NOL4: variants seen among roughly 807,000 people sequenced by gnomAD.
NOL4 encodes cancer/testis antigen 125.
Under a neutral mutation model 75.9 loss-of-function variants are expected in NOL4, and 17 were observed. That is an observed-to-expected ratio of 0.22 (90% CI 0.15 to 0.34). The LOEUF is 0.34. NOL4 is among the 10% of genes least tolerant of loss of function. The pLI is 1.00. For missense variants in NOL4, 614 were observed against 793.5 expected, an observed-to-expected ratio of 0.77 and a Z score of 2.72; for synonymous variants, 292 against 289.9, an observed-to-expected ratio of 1.01 and a Z score of -0.07.
intron 9 of NOL4, among the ~76,000 whole-genome samples, chr18:33,934,955 C>T (rs887304294): frequency 4.7e-5 from 7 of 150,138 alleles, no homozygotes; most frequent in African/African-American, 1.7e-4. Flanking sequence ...ACCTCCTGGG[C>T]TAAAGCAATC....
At chr18:33,983,596 G>A (rs1268730462) in intron 6 of NOL4, among the ~76,000 whole-genome samples, 2 of 147,616 alleles carry the variant, frequency 1.4e-5, no homozygotes, top group African/African-American at 5.0e-5. Flanking sequence ...AATAGGAGGT[G>A]CATACACACA....
chr18:34,036,039 C>T (rs2075878504), intron 5 of NOL4, among the ~76,000 whole-genome samples: 1 of 151,858 alleles, frequency 6.6e-6, no homozygotes, highest in Non-Finnish European at 1.5e-5. Context: ...TGAATTCCAC[C>T]AAAGATATAA....
intron 5 of NOL4, among the ~76,000 whole-genome samples, chr18:34,040,296 T>G (rs1422136947): frequency 6.6e-6 from 1 of 151,888 alleles, no homozygotes; most frequent in Non-Finnish European, 1.5e-5. Context: ...TTGGTACTTT[T>G]TGGAATTTTT....
intron 1 of NOL4, among the ~76,000 whole-genome samples, chr18:34,182,180 G>A (rs1216873462): frequency 6.6e-6 from 1 of 151,448 alleles, no homozygotes; most frequent in East Asian, 1.9e-4. Flanking sequence ...ACTAATAAAT[G>A]GATTAACAAA....
At chr18:33,863,193 T>G (rs1391307859) in intron 10 of NOL4, among the ~76,000 whole-genome samples, 1 of 152,026 alleles carries the variant, frequency 6.6e-6, no homozygotes, top group Admixed American at 6.6e-5. Context: ...ACACCACATA[T>G]TCTCACTTAT....
At chr18:34,196,557 C>T (rs1322283723) in intron 1 of NOL4, among the ~76,000 whole-genome samples, 4 of 152,058 alleles carry the variant, frequency 2.6e-5, no homozygotes, top group Non-Finnish European at 2.9e-5. Flanking sequence ...ATTAGATGTT[C>T]ACAGCAGGGA....
intron 2 of NOL4, 44 bp from the exon 3 acceptor site, chr18:34,105,204 T>C (rs774824288): frequency 1.6e-6 from 2 of 1,213,038 alleles, no homozygotes; most frequent in Non-Finnish European, 2.4e-6. Flanking sequence ...ATAAGCTCAC[T>C]GAGCATGATT....
At chr18:34,082,104 T>C (rs2078036565) in intron 5 of NOL4, among the ~76,000 whole-genome samples, 1 of 152,172 alleles carries the variant, frequency 6.6e-6, no homozygotes, top group Non-Finnish European at 1.5e-5. Context: ...AGCTATATTA[T>C]TAATTTTCTG....
intron 6 of NOL4, among the ~76,000 whole-genome samples, chr18:34,017,474 A>T (rs574579050): frequency 6.6e-6 from 1 of 152,182 alleles, no homozygotes; most frequent in Non-Finnish European, 1.5e-5. Context: ...AAGAACATCT[A>T]AAATTTACTT....
intron 1 of NOL4, among the ~76,000 whole-genome samples, chr18:34,159,319 G>C (rs1270421139): frequency 6.6e-6 from 1 of 152,170 alleles, no homozygotes; most frequent in South Asian, 2.1e-4. Flanking sequence ...GGCCGGAGGA[G>C]GAAGGCCAAG....
chr18:34,088,843 A>G (rs1207317224), intron 5 of NOL4, among the ~76,000 whole-genome samples: 1 of 152,122 alleles, frequency 6.6e-6, no homozygotes, highest in Non-Finnish European at 1.5e-5. Flanking sequence ...GGGAAATATT[A>G]TAAACCTAAA....
chr18:34,073,311 G>A (rs144343526), intron 5 of NOL4, among the ~76,000 whole-genome samples: 2 of 151,948 alleles, frequency 1.3e-5, no homozygotes, highest in African/African-American at 4.8e-5. Flanking sequence ...AATAAATTAG[G>A]CAAATTAGAT....
chr18:33,930,678 A>AT (rs992538995), intron 9 of NOL4, among the ~76,000 whole-genome samples: 1 of 152,158 alleles, frequency 6.6e-6, no homozygotes, highest in African/African-American at 2.4e-5. Flanking sequence ...AAAAGCACAC[A>AT]TTTTTTAGGA....
chr18:33,955,739 C>T (rs1478027000), intron 8 of NOL4, among the ~76,000 whole-genome samples: 1 of 152,124 alleles, frequency 6.6e-6, no homozygotes, highest in Admixed American at 6.6e-5. Context: ...CTGTCATGGA[C>T]ATTTAGCAGC....
At chr18:34,007,960 A>G (rs893419636) in intron 6 of NOL4, among the ~76,000 whole-genome samples, 4 of 151,958 alleles carry the variant, frequency 2.6e-5, no homozygotes, top group African/African-American at 4.8e-5. Flanking sequence ...ATAGCTTGTA[A>G]ATATTATTTC....
intron 6 of NOL4, among the ~76,000 whole-genome samples, chr18:34,002,109 G>A (rs1375889897): frequency 3.9e-5 from 6 of 151,976 alleles, no homozygotes; most frequent in African/African-American, 1.2e-4. Context: ...TTGTCTCCTT[G>A]ACTCCACCTT....
At chr18:33,936,416 T>C (rs2068060251) in intron 9 of NOL4, among the ~76,000 whole-genome samples, 1 of 151,840 alleles carries the variant, frequency 6.6e-6, no homozygotes, top group Non-Finnish European at 1.5e-5. Context: ...AGTTTTTTTT[T>C]TTTTTTTTTG....
intron 5 of NOL4, among the ~76,000 whole-genome samples, chr18:34,072,091 C>T (rs190832509): frequency 1.1e-4 from 16 of 151,912 alleles, no homozygotes; most frequent in Non-Finnish European, 2.1e-4. Flanking sequence ...ATTAGCCGGG[C>T]GTGGTGGTGG....
intron 2 of NOL4, among the ~76,000 whole-genome samples, chr18:34,105,527 T>C (rs1221372333): frequency 6.6e-6 from 1 of 151,978 alleles, no homozygotes; most frequent in Non-Finnish European, 1.5e-5. Context: ...ATCAAATTTG[T>C]ATCCAATTTT....
Sources: gnomAD v4.1 joint callset for allele counts (sites outside exome capture counted in the v4.1 genomes callset) on GRCh38, gnomAD v4.1.1 for gene constraint, MANE v1.5 for transcripts, NCBI Gene and HGNC (gene_info 2026-07-23, HGNC 2026-07-21) for gene names.